ARHGAP15: variants seen among roughly 807,000 people sequenced by gnomAD.
ARHGAP15 encodes Rho GTPase activating protein 15, also known as rho GTPase-activating protein 15.
Under a neutral mutation model 63.7 loss-of-function variants are expected in ARHGAP15, and 51 were observed. That is an observed-to-expected ratio of 0.80 (90% CI 0.64 to 1.01). The LOEUF (loss-of-function observed/expected upper bound fraction) is 1.01. Among genes scored for constraint, ARHGAP15 ranks in the 50% least tolerant of loss-of-function variants. The pLI, the probability that ARHGAP15 is intolerant of heterozygous loss-of-function variation, is 0.00. For missense variants in ARHGAP15, 560 were observed against 564.6 expected (o/e 0.99, Z 0.08); for synonymous variants, 191 against 193.8 (o/e 0.99, Z 0.12).
chr2:143,729,022 C>T lies in ARHGAP15; in HGVS notation c.1244+25498C>T, dbSNP rs1333583102. On this transcript the variant is annotated intron_variant, in intron 13 of 13. Coordinates refer to ENST00000295095, the MANE Select transcript of ARHGAP15 (RefSeq NM_018460.4). ...CTTAAACCGACACTCAAGTTTCCTC[C>T]GCGATGTACCAGTAAAAAGTCTGAA... is the stretch of plus-strand genomic sequence containing the variant. Among the ~76,000 whole-genome samples the T allele has an allele frequency of 3.3e-5, 5 of 152,152 alleles. No homozygotes were observed. In the South Asian group the frequency reaches 8.3e-4, roughly 25 times the overall value.
intron 12 of ARHGAP15, among the ~76,000 whole-genome samples, chr2:143,642,042 A>AC (rs1680627313): frequency 6.6e-6 from 1 of 152,170 alleles, no homozygotes; most frequent in South Asian, 2.1e-4. Flanking sequence ...GCATTATTTC[A>AC]CAAGGTAAAA....
chr2:143,265,779 CTT>C (rs1680958754), intron 6 of ARHGAP15, among the ~76,000 whole-genome samples: 1 of 151,988 alleles, frequency 6.6e-6, no homozygotes, highest in South Asian at 2.1e-4. Context: ...AAAGGTTTAA[CTT>C]ATTTCTTTCT....
At chr2:143,412,349 A>C (rs1473790274) in intron 6 of ARHGAP15, among the ~76,000 whole-genome samples, 1 of 120,506 alleles carries the variant, frequency 8.3e-6, no homozygotes, top group Non-Finnish European at 1.7e-5. Context: ...CTTTTCAAAT[A>C]CATGATTTCT....
chr2:143,493,227 C>G (rs1431370087), intron 9 of ARHGAP15, among the ~76,000 whole-genome samples: 1 of 152,094 alleles, frequency 6.6e-6, no homozygotes, highest in Non-Finnish European at 1.5e-5. Flanking sequence ...TGGAAAAACT[C>G]TCCTTTTACA....
chr2:143,205,925 C>T (rs562518620), intron 3 of ARHGAP15, among the ~76,000 whole-genome samples: 2 of 151,946 alleles, frequency 1.3e-5, no homozygotes, highest in Non-Finnish European at 2.9e-5. Flanking sequence ...ACCCTATCAT[C>T]CCCCCCACTG....
intron 10 of ARHGAP15, among the ~76,000 whole-genome samples, chr2:143,524,784 T>C (rs1694195509): frequency 6.6e-6 from 1 of 152,220 alleles, no homozygotes; most frequent in African/African-American, 2.4e-5. Context: ...CTAACAAAAA[T>C]GTAAAACTTG....
At chr2:143,705,707 T>C (rs867187116) in intron 13 of ARHGAP15, among the ~76,000 whole-genome samples, 10 of 152,182 alleles carry the variant, frequency 6.6e-5, no homozygotes, top group Non-Finnish European at 5.9e-5. Context: ...GAAATATCCG[T>C]TACTCTGTCC....
At chr2:143,678,403 A>G (rs151061256) in intron 12 of ARHGAP15, among the ~76,000 whole-genome samples, 2 of 152,356 alleles carry the variant, frequency 1.3e-5, no homozygotes, top group East Asian at 3.9e-4. Context: ...GTCAAGAAAA[A>G]ACAAACATTC....
At chr2:143,166,370 T>C (rs1239665470) in intron 2 of ARHGAP15, among the ~76,000 whole-genome samples, 1 of 152,128 alleles carries the variant, frequency 6.6e-6, no homozygotes, top group African/African-American at 2.4e-5. Context: ...AAGTGGGAAA[T>C]AGGAGAACAC....
At chr2:143,647,261 A>T (rs990944963) in intron 12 of ARHGAP15, among the ~76,000 whole-genome samples, 2 of 151,784 alleles carry the variant, frequency 1.3e-5, no homozygotes, top group Non-Finnish European at 2.9e-5. Flanking sequence ...ATAGTGTAAA[A>T]GAGTTGAATT....
chr2:143,416,636 T>A (rs1558956915), intron 6 of ARHGAP15, among the ~76,000 whole-genome samples: 1 of 152,174 alleles, frequency 6.6e-6, no homozygotes, highest in Non-Finnish European at 1.5e-5. Flanking sequence ...TTGTTTTACT[T>A]CTGAGGTCCC....
chr2:143,761,299 G>T (rs1686751482), intron 13 of ARHGAP15, among the ~76,000 whole-genome samples: 1 of 152,192 alleles, frequency 6.6e-6, no homozygotes, highest in South Asian at 2.1e-4. Flanking sequence ...TGCAAGCCAG[G>T]TGTGACCTGA....
intron 6 of ARHGAP15, among the ~76,000 whole-genome samples, chr2:143,410,979 G>A (rs527576539): frequency 5.4e-4 from 82 of 152,170 alleles, no homozygotes; most frequent in African/African-American, 1.8e-3. Flanking sequence ...CAAGGCAGAC[G>A]GATCACCTGA....
At chr2:143,346,107 G>A (rs955892062) in intron 6 of ARHGAP15, among the ~76,000 whole-genome samples, 1 of 151,690 alleles carries the variant, frequency 6.6e-6, no homozygotes, top group African/African-American at 2.4e-5. Context: ...TTATGAATCA[G>A]GTTGTAAAGT....
rs995231824 is a variant in ARHGAP15 at position 143,265,021 on chromosome 2, C to T, written c.474+14421C>T. Among the ~76,000 whole-genome samples, 18 of 152,186 alleles carry T rather than the reference C, an allele frequency of 1.2e-4. No individual in the cohort carries two copies. In the South Asian group the frequency reaches 3.5e-3, roughly 30 times the overall value. On this transcript the variant is annotated intron_variant, in intron 6 of 13. Transcript: ENST00000295095. Reference sequence around the variant, plus strand: ...CTTCTAGGAAGGATGCCAGGTTACACGGAATCATACCAGAGTCTTAGAATC... The same window carrying T: ...CTTCTAGGAAGGATGCCAGGTTACATGGAATCATACCAGAGTCTTAGAATC...
chr2:143,645,417 T>G (rs1337521546), intron 12 of ARHGAP15, among the ~76,000 whole-genome samples: 1 of 152,084 alleles, frequency 6.6e-6, no homozygotes, highest in Non-Finnish European at 1.5e-5. Context: ...TTGAATTAAT[T>G]AATTATACTT....
At chr2:143,332,688 G>A (rs1028056225) in intron 6 of ARHGAP15, among the ~76,000 whole-genome samples, 2 of 152,066 alleles carry the variant, frequency 1.3e-5, no homozygotes, top group Admixed American at 6.6e-5. Flanking sequence ...AGGTTACGCC[G>A]ATTGCTTTTA....
At chr2:143,418,257 C>T (rs565855246) in intron 6 of ARHGAP15, among the ~76,000 whole-genome samples, 2 of 152,254 alleles carry the variant, frequency 1.3e-5, no homozygotes, top group South Asian at 4.1e-4. Flanking sequence ...AAATTCTCCC[C>T]ATCTACTTGT....
intron 6 of ARHGAP15, among the ~76,000 whole-genome samples, chr2:143,259,577 C>T (rs769885227): frequency 6.6e-6 from 1 of 152,092 alleles, no homozygotes; most frequent in Non-Finnish European, 1.5e-5. Flanking sequence ...CTGGTGGCTA[C>T]TTGGCATTTC....
Sources: gnomAD v4.1 joint callset for allele counts (sites outside exome capture counted in the v4.1 genomes callset) on GRCh38, gnomAD v4.1.1 for gene constraint, MANE v1.5 for transcripts, NCBI Gene and HGNC (gene_info 2026-07-23, HGNC 2026-07-21) for gene names.